Variants in NFATC1 observed in about 807,000 individuals in gnomAD.
NFATC1 encodes nuclear factor of activated T cells 1.
Under a neutral mutation model 76.0 loss-of-function variants are expected in NFATC1, and 22 were observed. The ratio of observed to expected loss-of-function variants is 0.29; its 90% confidence interval spans 0.21 to 0.41. NFATC1 has a LOEUF of 0.41. NFATC1 is among the 10% of genes least tolerant of loss of function. The pLI, the probability that NFATC1 is intolerant of heterozygous loss-of-function variation, is 1.00. For missense variants in NFATC1, 1,357 were observed against 1,337.7 expected (o/e 1.01, Z -0.23); for synonymous variants, 704 against 613.1 (o/e 1.15, Z -2.19).
chr18:79,418,183 G>C (rs924643770), intron 2 of NFATC1, among the ~76,000 whole-genome samples: 2 of 152,124 alleles, frequency 1.3e-5, no homozygotes, highest in African/African-American at 2.4e-5. Context: ...GGAGCCAGCA[G>C]TTTCGTTGTG....
At chr18:79,477,463 A>G (rs537189818) in intron 8 of NFATC1, among the ~76,000 whole-genome samples, 1 of 152,320 alleles carries the variant, frequency 6.6e-6, no homozygotes, top group South Asian at 2.1e-4. Flanking sequence ...CCCACCCCCA[A>G]TGCCACCTGG....
At chr18:79,403,400 C>T (rs963609254) in intron 1 of NFATC1, among the ~76,000 whole-genome samples, 3 of 152,254 alleles carry the variant, frequency 2.0e-5, no homozygotes, top group Non-Finnish European at 4.4e-5. Flanking sequence ...GGTCTGGCTT[C>T]TGGCTGTGTC....
chr18:79,467,704 C>T, intron 8 of NFATC1, 122 bp downstream of exon 8: 1 of 1,427,754 alleles, frequency 7.0e-7, no homozygotes, highest in Non-Finnish European at 9.2e-7. Context: ...TGTGTGATGT[C>T]CCGTTAGTGA....
In NFATC1 at chr18:79,500,411, A is replaced by G. The variant is rs371294963; in HGVS notation, c.2782+13474A>G. Among the ~76,000 whole-genome samples, 417 of 152,284 alleles carry G rather than the reference A, an allele frequency of 2.7e-3. 2 individuals carry two copies. Among genetic ancestry groups the G allele is most frequent in the African/African-American group, 9.3e-3 (385 of 41,576 alleles). On this transcript the variant is annotated intron_variant, in intron 9 of 9. Coordinates refer to ENST00000427363, the MANE Select transcript of NFATC1 (RefSeq NM_001278669.2). Reference sequence around the variant, plus strand: ...TAAGGCAGTGCTTAGAGGGAAATTTATAGCTTTAAATGCCTATATGAGGAA... The same window carrying G: ...TAAGGCAGTGCTTAGAGGGAAATTTGTAGCTTTAAATGCCTATATGAGGAA...
intron 1 of NFATC1, among the ~76,000 whole-genome samples, chr18:79,400,080 C>G (rs896904748): frequency 7.1e-6 from 1 of 141,404 alleles, no homozygotes; most frequent in South Asian, 2.7e-4. Flanking sequence ...GAGCCTGCGC[C>G]GGGCCGGGAC....
chr18:79,472,090 C>T (rs944599806), intron 8 of NFATC1, among the ~76,000 whole-genome samples: 14 of 152,124 alleles, frequency 9.2e-5, no homozygotes, highest in African/African-American at 3.4e-4. Context: ...AGCCGGGGTC[C>T]TGTGGCCTTG....
At chr18:79,423,110 G>A (rs1018186010) in intron 2 of NFATC1, among the ~76,000 whole-genome samples, 5 of 151,638 alleles carry the variant, frequency 3.3e-5, no homozygotes, top group Admixed American at 1.3e-4. Flanking sequence ...GTTGGGGCGC[G>A]TACAGAGGGG....
Position 79,527,906 on chromosome 18 carries a change from A to T in NFATC1, c.*329A>T. ...TGACCCCACGCCCAGCCCTTCTGGCACCCCTGGGGTTCAATACTGGAAGTG... is the reference window on the plus strand; with the variant it reads ...TGACCCCACGCCCAGCCCTTCTGGCTCCCCTGGGGTTCAATACTGGAAGTG... On this transcript the variant is annotated 3_prime_UTR_variant, in exon 10 of 10. Transcript: ENST00000427363. The T allele has an allele frequency of 2.2e-6, 1 of 446,610 alleles. No individual in the cohort carries two copies. The highest frequency in any genetic ancestry group is 4.0e-6 in the Non-Finnish European group (1 of 252,626). 27.7% of individuals were successfully genotyped at this position (446,610 alleles called of 1,614,324 possible).
At chr18:79,517,719 G>C (rs12959273) in intron 9 of NFATC1, among the ~76,000 whole-genome samples, 5 of 152,126 alleles carry the variant, frequency 3.3e-5, no homozygotes, top group Admixed American at 2.0e-4. Flanking sequence ...TTTGTTTAGC[G>C]GTCATAGATA....
chr18:79,403,766 A>T (rs1409232573), intron 1 of NFATC1, among the ~76,000 whole-genome samples: 1 of 152,232 alleles, frequency 6.6e-6, no homozygotes, highest in Admixed American at 6.5e-5. Context: ...GAAGCTTTGG[A>T]AGACTTTTAT....
At chr18:79,412,122 T>G (rs550134692) in intron 2 of NFATC1, among the ~76,000 whole-genome samples, 2 of 152,348 alleles carry the variant, frequency 1.3e-5, no homozygotes, top group South Asian at 4.1e-4. Context: ...TCACGCGCCT[T>G]CCTTCTTTGG....
chr18:79,398,660 T>G (rs1383229429), intron 1 of NFATC1, among the ~76,000 whole-genome samples: 1 of 152,256 alleles, frequency 6.6e-6, no homozygotes, highest in Non-Finnish European at 1.5e-5. Flanking sequence ...GCCCGCGGCC[T>G]GGGGCCACCA....
At chr18:79,519,407 A>G (rs972566386) in intron 9 of NFATC1, among the ~76,000 whole-genome samples, 1 of 152,070 alleles carries the variant, frequency 6.6e-6, no homozygotes. Context: ...ATCTCAGCTC[A>G]CTGCAGCCTC....
chr18:79,455,600 C>T (rs1448860648), intron 6 of NFATC1, among the ~76,000 whole-genome samples: 4 of 152,124 alleles, frequency 2.6e-5, no homozygotes, highest in African/African-American at 2.4e-5. Context: ...TGTGGGAGGC[C>T]GGGTGGCCTG....
intron 3 of NFATC1, among the ~76,000 whole-genome samples, chr18:79,438,017 T>G (rs2144695182): frequency 6.6e-6 from 1 of 152,308 alleles, no homozygotes. Flanking sequence ...ACTCATTGCC[T>G]TTCTGGGCGT....
intron 9 of NFATC1, among the ~76,000 whole-genome samples, chr18:79,526,209 C>T (rs1049126444): frequency 2.0e-5 from 3 of 152,360 alleles, no homozygotes; most frequent in Admixed American, 6.5e-5. Flanking sequence ...GAGCAGCCTG[C>T]GAGCACCTGG....
intron 7 of NFATC1, among the ~76,000 whole-genome samples, chr18:79,466,885 C>A (rs1244691897): frequency 1.3e-5 from 2 of 152,232 alleles, no homozygotes; most frequent in Non-Finnish European, 2.9e-5. Context: ...GCACTTCCAT[C>A]ACACAGTGGC....
At chr18:79,500,224 C>G (rs1321902481) in intron 9 of NFATC1, among the ~76,000 whole-genome samples, 1 of 152,052 alleles carries the variant, frequency 6.6e-6, no homozygotes, top group Non-Finnish European at 1.5e-5. Context: ...CAATGGATAT[C>G]AATTGAAAAT....
intron 8 of NFATC1, among the ~76,000 whole-genome samples, chr18:79,472,692 G>A (rs1337729916): frequency 1.3e-5 from 2 of 151,840 alleles, no homozygotes; most frequent in Admixed American, 6.6e-5. Flanking sequence ...GCCTGAGCTC[G>A]GCTCTCACTG....
Sources: gnomAD v4.1 joint callset for allele counts (sites outside exome capture counted in the v4.1 genomes callset) on GRCh38, gnomAD v4.1.1 for gene constraint, MANE v1.5 for transcripts, NCBI Gene and HGNC (gene_info 2026-07-23, HGNC 2026-07-21) for gene names.